Variants in TACR1 observed in about 807,000 individuals in gnomAD.
TACR1 encodes the protein tachykinin receptor 1, also known as substance-P receptor.
In TACR1, 25 loss-of-function variants were observed where a neutral mutation model predicts 35.8. The observed-to-expected ratio is 0.70, with a 90% CI of 0.51 to 0.98. The LOEUF (loss-of-function observed/expected upper bound fraction) is 0.98. Among genes scored for constraint, TACR1 ranks in the 50% least tolerant of loss-of-function variants. The probability of loss-of-function intolerance (pLI) is 0.00; values close to 1 mark genes in which losing one functional copy is unlikely to be tolerated. For synonymous variants in TACR1, 195 were observed against 206.7 expected, an observed-to-expected ratio of 0.94 and a Z score of 0.48; for missense variants, 478 against 522.9, an observed-to-expected ratio of 0.91 and a Z score of 0.84.
chr2:75,147,856 T>A (rs1411464103), intron 1 of TACR1, among the ~76,000 whole-genome samples: 1 of 152,014 alleles, frequency 6.6e-6, no homozygotes, highest in Non-Finnish European at 1.5e-5. Context: ...GCGATTCTCC[T>A]GCCTCAGCCT....
chr2:75,116,402 C>G (rs770478404), intron 2 of TACR1, among the ~76,000 whole-genome samples: 1 of 152,112 alleles, frequency 6.6e-6, no homozygotes, highest in Non-Finnish European at 1.5e-5. Flanking sequence ...GCACTGGGCT[C>G]CACAATTTTT....
chr2:75,083,084 T>C (rs1192344631), intron 2 of TACR1, among the ~76,000 whole-genome samples: 1 of 152,238 alleles, frequency 6.6e-6, no homozygotes, highest in East Asian at 1.9e-4. Flanking sequence ...CTTTAATCCA[T>C]CGTGAATTAA....
At chr2:75,052,140 C>A (rs554870943) in intron 3 of TACR1, among the ~76,000 whole-genome samples, 1 of 152,286 alleles carries the variant, frequency 6.6e-6, no homozygotes, top group East Asian at 1.9e-4. Context: ...GAAATCCTAA[C>A]CCCTAAGGTG....
chr2:75,052,488 C>A (rs1193396444), intron 3 of TACR1, among the ~76,000 whole-genome samples: 2 of 151,964 alleles, frequency 1.3e-5, no homozygotes, highest in African/African-American at 4.8e-5. Flanking sequence ...TAGCAAAGAA[C>A]TCTACAGCAT....
intron 1 of TACR1, among the ~76,000 whole-genome samples, chr2:75,158,424 A>G (rs1674918279): frequency 6.6e-6 from 1 of 152,194 alleles, no homozygotes; most frequent in African/African-American, 2.4e-5. Flanking sequence ...TAGGACATCT[A>G]TTTTCTAAAA....
In TACR1 at chr2:75,120,661, C is replaced by T; in HGVS notation, c.497G>A (p.Gly166Asp). 1 of 1,613,976 alleles carries T rather than the reference C, an allele frequency of 6.2e-7. No homozygotes were observed. The highest frequency in any genetic ancestry group is 8.5e-7 in the Non-Finnish European group (1 of 1,179,966). Residue 166 changes from glycine to aspartate, a missense_variant, in exon 2 of 5, where the codon GGC becomes GAC. Transcript: ENST00000305249. ...CATGGTCTCTGTGGTTGAGTAGTAG[C>T]CCTGGGGGAAGGCCAGCAGGAGAGC... is the stretch of plus-strand genomic sequence containing the variant. ...VLALLLAFPQGYYSTTETMPS... is the reference protein window; with the variant it reads ...VLALLLAFPQDYYSTTETMPS...
intron 1 of TACR1, chr2:75,189,284 A>G (rs1675786076): frequency 6.6e-6 from 1 of 152,252 alleles, no homozygotes; most frequent in South Asian, 2.1e-4. Context: ...AGGCATAGCC[A>G]GATTTGGGTC....
chr2:75,154,456 AAGAAACC>A (rs1674777924), intron 1 of TACR1: 1 of 77,730 alleles, frequency 1.3e-5, no homozygotes, highest in African/African-American at 4.3e-5. Context: ...ACACACTCTG[AAGAAACC>A]CAGTGGAGAT....
chr2:75,084,515 C>T (rs573679030), intron 2 of TACR1, among the ~76,000 whole-genome samples: 2 of 152,284 alleles, frequency 1.3e-5, no homozygotes, highest in Non-Finnish European at 2.9e-5. Context: ...CCAGCTCCTC[C>T]TTGTACCTCT....
At chr2:75,192,173 C>A (rs1340455897) in intron 1 of TACR1, among the ~76,000 whole-genome samples, 1 of 152,076 alleles carries the variant, frequency 6.6e-6, no homozygotes, top group Non-Finnish European at 1.5e-5. Flanking sequence ...TTCTGGTCAT[C>A]TCCTTTTAAG....
chr2:75,103,489 T>C (rs1441814287), intron 2 of TACR1, among the ~76,000 whole-genome samples: 1 of 151,960 alleles, frequency 6.6e-6, no homozygotes, highest in Non-Finnish European at 1.5e-5. Context: ...ATAAAATAAA[T>C]TGAGTAACTC....
intron 1 of TACR1, among the ~76,000 whole-genome samples, chr2:75,185,875 G>A (rs1465228536): frequency 1.3e-5 from 2 of 152,150 alleles, no homozygotes; most frequent in East Asian, 3.8e-4. Context: ...AAAACACATT[G>A]ATGACAAATT....
intron 2 of TACR1, among the ~76,000 whole-genome samples, chr2:75,055,259 C>T (rs1672547138): frequency 6.6e-6 from 1 of 152,222 alleles, no homozygotes; most frequent in Non-Finnish European, 1.5e-5. Context: ...TATTCAGTCC[C>T]TCTGCATATC....
chr2:75,084,403 C>G (rs191801913), intron 2 of TACR1, among the ~76,000 whole-genome samples: 739 of 152,260 alleles, frequency 4.9e-3, no homozygotes, highest in Non-Finnish European at 7.6e-3. Context: ...TTGGTTGTGT[C>G]TCTTCCAGGC....
At chr2:75,092,349 C>T (rs1673328016) in intron 2 of TACR1, among the ~76,000 whole-genome samples, 1 of 152,082 alleles carries the variant, frequency 6.6e-6, no homozygotes, top group Non-Finnish European at 1.5e-5. Flanking sequence ...ACCCTTAATG[C>T]ATTGTGGTGC....
intron 1 of TACR1, among the ~76,000 whole-genome samples, chr2:75,147,058 T>G (rs772199459): frequency 3.9e-5 from 6 of 152,242 alleles, no homozygotes; most frequent in Non-Finnish European, 8.8e-5. Context: ...TTTGCAATAC[T>G]GTGCATTGTT....
intron 1 of TACR1, among the ~76,000 whole-genome samples, chr2:75,181,166 A>G (rs1675549288): frequency 6.6e-6 from 1 of 152,202 alleles, no homozygotes; most frequent in Non-Finnish European, 1.5e-5. Context: ...CCTCCATATC[A>G]TAATAACTTC....
At chr2:75,189,283 C>T (rs1336435537) in intron 1 of TACR1, 1 of 152,194 alleles carries the variant, frequency 6.6e-6, no homozygotes, top group African/African-American at 2.4e-5. Context: ...GAGGCATAGC[C>T]AGATTTGGGT....
rs184524189 is a variant in TACR1 at position 75,051,569 on chromosome 2, C to T, written c.736-122G>A. The stretch of plus-strand genomic sequence containing the variant: ...GATGAAGCGAGAAGTATTTAAAAGA[C>T]GCCCCTTCAAGGAGGAGAAAGGATC... On this transcript the variant is annotated intron_variant, in intron 3 of 4. Coordinates refer to ENST00000305249, the MANE Select transcript of TACR1 (RefSeq NM_001058.4). 9.5e-5 allele frequency: 142 copies of T among 1,498,128 alleles called. 1 individual carries two copies. The Middle Eastern group carries it at 1.2e-3, about 13-fold the overall frequency. 92.8% of individuals were successfully genotyped at this position (1,498,128 alleles called of 1,614,324 possible).
Sources: gnomAD v4.1 joint callset for allele counts (sites outside exome capture counted in the v4.1 genomes callset) on GRCh38, gnomAD v4.1.1 for gene constraint, MANE v1.5 for transcripts, NCBI Gene and HGNC (gene_info 2026-07-23, HGNC 2026-07-21) for gene names.